Variants in CLDN17 observed in about 807,000 individuals in gnomAD.
The protein encoded by CLDN17 is claudin 17.
CLDN17 carries 1 observed loss-of-function variant against 0.1 expected under a neutral mutation model. The ratio of observed to expected loss-of-function variants is 8.90; its 90% CI spans 3.16 to 42.21. The LOEUF (loss-of-function observed/expected upper bound fraction) is 42.21. Among genes scored for constraint, CLDN17 ranks in the 30% most tolerant of loss-of-function variants. CLDN17 has a pLI of 0.11. For synonymous variants in CLDN17, 134 were observed against 106.7 expected (o/e 1.26, Z -1.58); for missense variants, 294 against 274.9 (o/e 1.07, Z -0.49).
Position 30,166,245 on chromosome 21 carries a change from G to C in CLDN17, c.373C>G (p.Leu125Val). ...KAYLLGTSGV[L>V]FILTGIFVLI... The stretch of plus-strand genomic sequence containing the variant: ...ACGAAGATGCCCGTCAGGATGAAGA[G>C]GACTCCTGAAGTTCCCAGAAGGTAT... The change falls in exon 1 of 1, where the codon CTC (leucine) becomes GTC (valine). Residue 125 changes from leucine (L) to valine (V), a missense_variant. Physicochemically the swap from Leu to Val is conservative, Grantham distance 32. Coordinates refer to ENST00000286808, the MANE Select transcript of CLDN17 (RefSeq NM_012131.3). 6.2e-7 allele frequency: 1 copy of C among 1,614,144 alleles called. No homozygotes were observed. Among genetic ancestry groups the C allele is most frequent in the African/African-American group, 1.3e-5 (1 of 75,046 alleles).
rs1384558716 is a variant in CLDN17 at position 30,166,517 on chromosome 21, G to A, written c.101C>T (p.Ala34Val). The A allele has an allele frequency of 3.1e-6, 5 of 1,614,136 alleles. No individual in the cohort carries two copies. Among genetic ancestry groups the A allele is most frequent in the Admixed American group, 1.7e-5 (1 of 60,020 alleles). ...TTLLPQWRVS[A>V]FVGSNIIVFE... ...GACAATAATGTTGCTGCCAACAAAAGCTGATACTCTCCACTGAGGCAGAAG... is the reference window on the plus strand; with the variant it reads ...GACAATAATGTTGCTGCCAACAAAAACTGATACTCTCCACTGAGGCAGAAG... Residue 34 changes from alanine (A) to valine (V), a missense_variant, in exon 1 of 1, where the codon GCT becomes GTT. Transcript: ENST00000286808.
chr21:30,166,687 T>C lies in CLDN17; in HGVS notation c.-70A>G. The C allele has an allele frequency of 7.2e-7, 1 of 1,394,564 alleles. No individual in the cohort carries two copies. The highest frequency in any genetic ancestry group is 9.8e-7 in the Non-Finnish European group (1 of 1,020,610). 86.4% of individuals were successfully genotyped at this position (1,394,564 alleles called of 1,614,324 possible). A position where few individuals can be genotyped will look rare whatever the true frequency, so the allele number is the denominator to read the frequency against. On this transcript the variant is annotated 5_prime_UTR_variant, in exon 1 of 1. Coordinates refer to ENST00000286808, the MANE Select transcript of CLDN17 (RefSeq NM_012131.3). ...GCTCAAGATGTAGAACGTGGAAGCC[T>C]TTTGAGTCTAGAGAAGTCTTTGATG...
rs1980858669 is a variant in CLDN17, at chr21:30,166,664, T to C, written c.-47A>G. 4 of 1,516,562 alleles carry C rather than the reference T, an allele frequency of 2.6e-6. No individual in the cohort carries two copies. Among genetic ancestry groups the C allele is most frequent in the East Asian group, 2.3e-5 (1 of 44,260 alleles). The allele number at this position is 1,516,562 out of a possible 1,614,324, so 93.9% of individuals were successfully genotyped here. A position where few individuals can be genotyped will look rare whatever the true frequency, so the allele number is the denominator to read the frequency against. On this transcript the variant is annotated 5_prime_UTR_variant, in exon 1 of 1. Transcript: ENST00000286808. Reference sequence around the variant, plus strand: ...TTCAATTCGGAGTGGTAGAAGATGCTCAAGATGTAGAACGTGGAAGCCTTT... The same window carrying C: ...TTCAATTCGGAGTGGTAGAAGATGCCCAAGATGTAGAACGTGGAAGCCTTT...
rs1340204928 is a variant in CLDN17, at chr21:30,166,391, G to T, written c.227C>A (p.Ala76Asp). ...CATGAGGGCCCGGGCTGTTTCCAGG[G>T]CAGGCGGGAGAGCCAACAAGGAGCT... is the stretch of plus-strand genomic sequence containing the variant. The part of the protein sequence containing the change: ...FYSSLLALPP[A>D]LETARALMCV... Residue 76 changes from alanine (A) to aspartate (D), a missense_variant, in exon 1 of 1, where the codon GCC becomes GAC. Physicochemically the swap from Ala to Asp is moderately radical, Grantham distance 126. Coordinates refer to ENST00000286808, the MANE Select transcript of CLDN17 (RefSeq NM_012131.3). 2 of 1,614,076 alleles carry T rather than the reference G, an allele frequency of 1.2e-6. No homozygotes were observed. Among genetic ancestry groups the T allele is most frequent in the Admixed American group, 3.3e-5 (2 of 60,008 alleles).
At position 30,165,941 on chromosome 21, in the gene CLDN17, C is replaced by T; in HGVS notation, c.*2G>A. On this transcript the variant is annotated 3_prime_UTR_variant, in exon 1 of 1. Coordinates refer to ENST00000286808, the MANE Select transcript of CLDN17 (RefSeq NM_012131.3). ...GTCCATACTTGGAGCCAAAAGGAGG[C>T]ATTAGACATAACTGGTGGAGGTCTT... is the stretch of plus-strand genomic sequence containing the variant. 1 of 1,612,378 alleles carries T rather than the reference C, an allele frequency of 6.2e-7. No homozygotes were observed. Among genetic ancestry groups the T allele is most frequent in the East Asian group, 2.2e-5 (1 of 44,866 alleles).
In CLDN17 at chr21:30,166,708, T is replaced by C; in HGVS notation, c.-91A>G. On this transcript the variant is annotated 5_prime_UTR_variant, in exon 1 of 1. Coordinates refer to ENST00000286808, the MANE Select transcript of CLDN17 (RefSeq NM_012131.3). ...AGCCTTTTGAGTCTAGAGAAGTCTTTGATGATGTTCTCCTTGGCTGCTGCC... is the reference window on the plus strand; with the variant it reads ...AGCCTTTTGAGTCTAGAGAAGTCTTCGATGATGTTCTCCTTGGCTGCTGCC... 8.6e-7 allele frequency: 1 copy of C among 1,167,838 alleles called. No individual in the cohort carries two copies. Among genetic ancestry groups the C allele is most frequent in the East Asian group, 2.4e-5 (1 of 40,844 alleles). 72.3% of individuals were successfully genotyped at this position (1,167,838 alleles called of 1,614,324 possible).
Position 30,165,568 on chromosome 21 carries a change from T to C in CLDN17, c.*375A>G. The stretch of plus-strand genomic sequence containing the variant: ...AGAGGAAAAATAATAGGTTACATTT[T>C]AGAATAGGTATATGTTTTATTGTTA... On this transcript the variant is annotated 3_prime_UTR_variant, in exon 1 of 1. Coordinates refer to ENST00000286808, the MANE Select transcript of CLDN17 (RefSeq NM_012131.3). The C allele has an allele frequency of 5.3e-6, 1 of 189,208 alleles. No homozygotes were observed. The highest frequency in any genetic ancestry group is 1.1e-5 in the Non-Finnish European group (1 of 92,162). The allele number at this position is 189,208 out of a possible 1,614,324, so 11.7% of individuals were successfully genotyped here. A position where few individuals can be genotyped will look rare whatever the true frequency, so the allele number is the denominator to read the frequency against.
Position 30,165,746 on chromosome 21 carries a change from C to T in CLDN17, c.*197G>A. On this transcript the variant is annotated 3_prime_UTR_variant, in exon 1 of 1. Coordinates refer to ENST00000286808, the MANE Select transcript of CLDN17 (RefSeq NM_012131.3). ...AGCAGCGATTGGGTCCAACAATAGT[C>T]AATGCATTTAATACACCTGAAGTCA... 1 of 600,910 alleles carries T rather than the reference C, an allele frequency of 1.7e-6. No individual in the cohort carries two copies. Among genetic ancestry groups the T allele is most frequent in the Non-Finnish European group, 2.9e-6 (1 of 342,588 alleles). 37.2% of individuals were successfully genotyped at this position (600,910 alleles called of 1,614,324 possible). A position where few individuals can be genotyped will look rare whatever the true frequency, so the allele number is the denominator to read the frequency against.
rs1398794219 is a variant in CLDN17 at position 30,166,250 on chromosome 21, C to G, written c.368G>C (p.Gly123Ala). Residue 123 changes from glycine (G) to alanine (A), a missense_variant, in exon 1 of 1, where the codon GGA (glycine) becomes GCA (alanine). Coordinates refer to ENST00000286808, the MANE Select transcript of CLDN17 (RefSeq NM_012131.3). Reference sequence around the variant, plus strand: ...GATGCCCGTCAGGATGAAGAGGACTCCTGAAGTTCCCAGAAGGTATGCTTT... The same window carrying G: ...GATGCCCGTCAGGATGAAGAGGACTGCTGAAGTTCCCAGAAGGTATGCTTT... ...RAKAYLLGTSGVLFILTGIFV... is the reference protein window; with the variant it reads ...RAKAYLLGTSAVLFILTGIFV... The G allele has an allele frequency of 1.2e-6, 2 of 1,613,992 alleles. No individual in the cohort carries two copies. The highest frequency in any genetic ancestry group is 1.7e-5 in the Admixed American group (1 of 59,994).
chr21:30,166,366 C>G lies in CLDN17; in HGVS notation c.252G>C (p.Met84Ile). 3 of 1,614,140 alleles carry G rather than the reference C, an allele frequency of 1.9e-6. No homozygotes were observed. The highest frequency in any genetic ancestry group is 2.2e-5 in the South Asian group (2 of 91,080). ...PPALETARAL[M>I]CVAVALSLIA... ...TCAAGGAGAGAGCAACAGCCACACA[C>G]ATGAGGGCCCGGGCTGTTTCCAGGG... Residue 84 changes from methionine (M) to isoleucine (I), a missense_variant, in exon 1 of 1, where the codon ATG (methionine) becomes ATC (isoleucine). Physicochemically the swap from Met to Ile is conservative, Grantham distance 10. Transcript: ENST00000286808.
rs1980842480 is a variant in CLDN17 at position 30,166,199 on chromosome 21, G to T, written c.419C>A (p.Thr140Lys). Residue 140 changes from threonine to lysine, a missense_variant, in exon 1 of 1, where the codon ACA becomes AAA. Physicochemically the swap from Thr to Lys is moderately conservative, Grantham distance 78. Coordinates refer to ENST00000286808, the MANE Select transcript of CLDN17 (RefSeq NM_012131.3). ...GIFVLIPVSWTANIIIRDFYN... is the reference protein window; with the variant it reads ...GIFVLIPVSWKANIIIRDFYN... ...GAAATCTCTGATGATTATATTGGCT[G>T]TCCAGCTCACCGGAATCAGAACGAA... 1.9e-6 allele frequency: 3 copies of T among 1,614,180 alleles called. No homozygotes were observed. The highest frequency in any genetic ancestry group is 1.7e-6 in the Non-Finnish European group (2 of 1,180,040).
In CLDN17 at chr21:30,166,036, C is replaced by T; in HGVS notation, c.582G>A (p.Gly194=). The change falls in exon 1 of 1, where the codon GGG becomes GGA. Residue 194 remains glycine, a synonymous_variant. Coordinates refer to ENST00000286808, the MANE Select transcript of CLDN17 (RefSeq NM_012131.3). ...GFCCCNRKKQ[G]YRYPVPGYRV... ...GGTAGCCAGGCACTGGATATCTGTA[C>T]CCTTGCTTCTTTCTGTTGCAGCAGC... 1 of 1,614,188 alleles carries T rather than the reference C, an allele frequency of 6.2e-7. No homozygotes were observed. The highest frequency in any genetic ancestry group is 1.1e-5 in the South Asian group (1 of 91,086).
chr21:30,166,724 G>T lies in CLDN17; in HGVS notation c.-107C>A, dbSNP rs1980859784. 1.5e-5 allele frequency: 15 copies of T among 994,680 alleles called. No homozygotes were observed. Among genetic ancestry groups the T allele is most frequent in the Middle Eastern group, 3.0e-4 (1 of 3,284 alleles). The allele number at this position is 994,680 out of a possible 1,614,324, so 61.6% of individuals were successfully genotyped here. On this transcript the variant is annotated 5_prime_UTR_variant, in exon 1 of 1. Coordinates refer to ENST00000286808, the MANE Select transcript of CLDN17 (RefSeq NM_012131.3). ...AGAAGTCTTTGATGATGTTCTCCTT[G>T]GCTGCTGCCCATAACGTTTTAGTCC... is the stretch of plus-strand genomic sequence containing the variant.
In CLDN17 at chr21:30,166,011, G is replaced by A. The variant is rs143848087; in HGVS notation, c.607C>T (p.Arg203Cys). The A allele has an allele frequency of 6.8e-5, 110 of 1,614,170 alleles. No individual in the cohort carries two copies. The African/African-American group carries it at 8.5e-4, about 13-fold the overall frequency. The change falls in exon 1 of 1, where the codon CGT becomes TGT. Residue 203 changes from arginine to cysteine, a missense_variant. Physicochemically the swap from Arg to Cys is radical, Grantham distance 180. Coordinates refer to ENST00000286808, the MANE Select transcript of CLDN17 (RefSeq NM_012131.3). ...CTTCGCTTATCTGTGTGTGGCACAC[G>A]GTAGCCAGGCACTGGATATCTGTAC... ...QGYRYPVPGY[R>C]VPHTDKRRNT...
At position 30,166,022 on chromosome 21, in the gene CLDN17, A is replaced by G; in HGVS notation, c.596T>C (p.Val199Ala). 10 of 1,614,186 alleles carry G rather than the reference A, an allele frequency of 6.2e-6. No homozygotes were observed. Among genetic ancestry groups the G allele is most frequent in the Non-Finnish European group, 8.5e-6 (10 of 1,180,028 alleles). Reference protein sequence around the residue: ...NRKKQGYRYPVPGYRVPHTDK... With the variant: ...NRKKQGYRYPAPGYRVPHTDK... Reference sequence around the variant, plus strand: ...TGTGTGTGGCACACGGTAGCCAGGCACTGGATATCTGTACCCTTGCTTCTT... The same window carrying G: ...TGTGTGTGGCACACGGTAGCCAGGCGCTGGATATCTGTACCCTTGCTTCTT... The change falls in exon 1 of 1, where the codon GTG (valine) becomes GCG (alanine). Residue 199 changes from valine (V) to alanine (A), a missense_variant. Physicochemically the swap from Val to Ala is moderately conservative, Grantham distance 64 (BLOSUM62 0). Coordinates refer to ENST00000286808, the MANE Select transcript of CLDN17 (RefSeq NM_012131.3).
chr21:30,166,153 T>C lies in CLDN17; in HGVS notation c.465A>G (p.Ile155Met). 6.2e-7 allele frequency: 1 copy of C among 1,614,176 alleles called. No individual in the cohort carries two copies. Among genetic ancestry groups the C allele is most frequent in the Middle Eastern group, 1.6e-4 (1 of 6,062 alleles). ...CTGCTCCCAGCTCTCGTTTCTGACC[T>C]ATGTGGATGGCTGGGTTGTAGAAAT... is the stretch of plus-strand genomic sequence containing the variant. ...IRDFYNPAIH[I>M]GQKRELGAAL... The change falls in exon 1 of 1, where the codon ATA (isoleucine) becomes ATG (methionine). Residue 155 changes from isoleucine (I) to methionine (M), a missense_variant. Physicochemically the swap from Ile to Met is conservative, Grantham distance 10. Coordinates refer to ENST00000286808, the MANE Select transcript of CLDN17 (RefSeq NM_012131.3).
In CLDN17 at chr21:30,166,148, T is replaced by C; in HGVS notation, c.470A>G (p.Gln157Arg). 1 of 1,614,188 alleles carries C rather than the reference T, an allele frequency of 6.2e-7. No individual in the cohort carries two copies. Among genetic ancestry groups the C allele is most frequent in the Non-Finnish European group, 8.5e-7 (1 of 1,180,024 alleles). ...AAGTGCTGCTCCCAGCTCTCGTTTC[T>C]GACCTATGTGGATGGCTGGGTTGTA... is the stretch of plus-strand genomic sequence containing the variant. Reference protein sequence around the residue: ...DFYNPAIHIGQKRELGAALFL... With the variant: ...DFYNPAIHIGRKRELGAALFL... Residue 157 changes from glutamine (Q) to arginine (R), a missense_variant, in exon 1 of 1, where the codon CAG becomes CGG. Gln to Arg is a conservative substitution (Grantham distance 43). Coordinates refer to ENST00000286808, the MANE Select transcript of CLDN17 (RefSeq NM_012131.3).
At position 30,166,167 on chromosome 21, in the gene CLDN17, G is replaced by T. The variant is rs769339338; in HGVS notation, c.451C>A (p.Pro151Thr). The change falls in exon 1 of 1, where the codon CCA (proline) becomes ACA (threonine). Residue 151 changes from proline (P) to threonine (T), a missense_variant. Transcript: ENST00000286808. Reference sequence around the variant, plus strand: ...CGTTTCTGACCTATGTGGATGGCTGGGTTGTAGAAATCTCTGATGATTATA... The same window carrying T: ...CGTTTCTGACCTATGTGGATGGCTGTGTTGTAGAAATCTCTGATGATTATA... ...ANIIIRDFYN[P>T]AIHIGQKREL... 1.9e-6 allele frequency: 3 copies of T among 1,614,018 alleles called. No homozygotes were observed. The East Asian group carries it at 6.7e-5, about 36-fold the overall frequency.
chr21:30,165,658 A>G lies in CLDN17; in HGVS notation c.*285T>C. 2.2e-6 allele frequency: 1 copy of G among 454,102 alleles called. No homozygotes were observed. Among genetic ancestry groups the G allele is most frequent in the Non-Finnish European group, 3.9e-6 (1 of 255,636 alleles). The allele number at this position is 454,102 out of a possible 1,614,324, so 28.1% of individuals were successfully genotyped here. A position where few individuals can be genotyped will look rare whatever the true frequency, so the allele number is the denominator to read the frequency against. ...ACATGATGGTCAAAAAGTAATAAGT[A>G]GTCCATCATTGTACACTTGCTAATG... On this transcript the variant is annotated 3_prime_UTR_variant, in exon 1 of 1. Coordinates refer to ENST00000286808, the MANE Select transcript of CLDN17 (RefSeq NM_012131.3).
Sources: gnomAD v4.1 joint callset for allele counts on GRCh38, gnomAD v4.1.1 for gene constraint, MANE v1.5 for transcripts, NCBI Gene and HGNC (gene_info 2026-07-23, HGNC 2026-07-21) for gene names.